The following NAALADL2 variants were observed in gnomAD, a reference collection of about 807,000 sequenced individuals.
NAALADL2 encodes N-acetylated alpha-linked acidic dipeptidase like 2, also known as inactive N-acetylated-alpha-linked acidic dipeptidase-like protein 2.
A neutral mutation model predicts 87.2 loss-of-function variants in NAALADL2; 76 were observed. The ratio of observed to expected loss-of-function variants is 0.87; its 90% CI spans 0.72 to 1.05. The LOEUF (loss-of-function observed/expected upper bound fraction) is 1.05, where lower values mean the gene tolerates loss of function less well. NAALADL2 is among the 50% of genes least tolerant of loss of function. NAALADL2 has a pLI of 0.00. For missense variants in NAALADL2, 1,089 were observed against 945.8 expected (o/e 1.15, Z -1.99); for synonymous variants, 354 against 331.0 (o/e 1.07, Z -0.75).
intron 4 of NAALADL2, among the ~76,000 whole-genome samples, chr3:175,296,654 C>A (rs554114608): frequency 6.6e-6 from 1 of 152,218 alleles, no homozygotes; most frequent in South Asian, 2.1e-4. Context: ...CTATAGACAG[C>A]CTTCTAACGG....
chr3:175,745,618 G>A (rs6793397), intron 12 of NAALADL2, among the ~76,000 whole-genome samples: 37,436 of 152,054 alleles, frequency 0.25, 5,014 homozygotes, highest in African/African-American at 0.34. Flanking sequence ...TCTGCATGTA[G>A]TAGTACAGAA....
chr3:174,694,437 A>G (rs538088746), intron 2 of NAALADL2, among the ~76,000 whole-genome samples: 2 of 152,126 alleles, frequency 1.3e-5, no homozygotes, highest in South Asian at 4.2e-4. Flanking sequence ...TTTCTAGTAA[A>G]CTCTTTGAGA....
chr3:175,688,647 G>T (rs1736637030), intron 11 of NAALADL2, among the ~76,000 whole-genome samples: 1 of 152,130 alleles, frequency 6.6e-6, no homozygotes, highest in Non-Finnish European at 1.5e-5. Flanking sequence ...CCAAACAAAA[G>T]GCTCAGGCAG....
chr3:175,178,939 A>G (rs1333175307), intron 2 of NAALADL2, among the ~76,000 whole-genome samples: 2 of 152,022 alleles, frequency 1.3e-5, no homozygotes, highest in Non-Finnish European at 1.5e-5. Context: ...CTGATTTTAA[A>G]TGTCACTTGA....
At chr3:175,305,266 G>GTGTGTA (rs1446603131) in intron 4 of NAALADL2, among the ~76,000 whole-genome samples, 1 of 142,230 alleles carries the variant, frequency 7.0e-6, no homozygotes, top group Non-Finnish European at 1.6e-5. Flanking sequence ...GTGTGTGTGT[G>GTGTGTA]TGTGTATGTG....
intron 3 of NAALADL2, among the ~76,000 whole-genome samples, chr3:175,254,539 C>T (rs1407382966): frequency 6.6e-6 from 1 of 152,078 alleles, no homozygotes; most frequent in Non-Finnish European, 1.5e-5. Context: ...CTATATCCTC[C>T]AAAACAAGTA....
intron 11 of NAALADL2, 83 bp from the exon 12 acceptor site, chr3:175,737,223 A>C (rs1744617034): frequency 8.5e-6 from 7 of 821,744 alleles, no homozygotes. Context: ...GATGTATAAA[A>C]ATATCTGAAA....
At chr3:175,605,808 A>G (rs936082589) in intron 10 of NAALADL2, among the ~76,000 whole-genome samples, 3 of 152,098 alleles carry the variant, frequency 2.0e-5, no homozygotes, top group African/African-American at 7.2e-5. Flanking sequence ...ATTGCTCCCT[A>G]TATTAATATC....
chr3:175,683,784 T>C (rs1358147827), intron 11 of NAALADL2, among the ~76,000 whole-genome samples: 2 of 152,040 alleles, frequency 1.3e-5, no homozygotes, highest in African/African-American at 4.8e-5. Context: ...ATATATAAGG[T>C]GGTAGTCTTT....
chr3:175,297,841 T>C (rs937102416), intron 4 of NAALADL2, among the ~76,000 whole-genome samples: 6 of 152,198 alleles, frequency 3.9e-5, no homozygotes, highest in Admixed American at 3.9e-4. Context: ...GGGCATGCTT[T>C]TCATTTTACA....
chr3:174,825,004 T>G (rs77616194), intron 3 of NAALADL2, among the ~76,000 whole-genome samples: 3,606 of 152,324 alleles, frequency 0.024, 137 homozygotes, highest in African/African-American at 0.083. Context: ...AGCTTTGATT[T>G]AGACACACTT....
intron 2 of NAALADL2, among the ~76,000 whole-genome samples, chr3:174,594,135 C>T (rs1717651942): frequency 1.3e-5 from 2 of 151,984 alleles, no homozygotes; most frequent in Non-Finnish European, 2.9e-5. Flanking sequence ...GGAAAAACTC[C>T]TTATACAAGT....
At chr3:174,690,032 CA>C (rs2108850371) in intron 2 of NAALADL2, among the ~76,000 whole-genome samples, 1 of 151,598 alleles carries the variant, frequency 6.6e-6, no homozygotes, top group Admixed American at 6.6e-5. Flanking sequence ...ATAACTAAGT[CA>C]AAATGTGGTT....
At chr3:175,474,741 A>G (rs1725420184) in intron 9 of NAALADL2, among the ~76,000 whole-genome samples, 1 of 151,510 alleles carries the variant, frequency 6.6e-6, no homozygotes, top group South Asian at 2.1e-4. Context: ...GCTTTTCCCT[A>G]CCTCTTCAGT....
chr3:174,753,589 G>A (rs1165075440), intron 3 of NAALADL2, among the ~76,000 whole-genome samples: 1 of 152,164 alleles, frequency 6.6e-6, no homozygotes, highest in African/African-American at 2.4e-5. Context: ...AGACCAGACA[G>A]CTATGCAACT....
chr3:175,270,312 G>A (rs1440500569), intron 4 of NAALADL2, among the ~76,000 whole-genome samples: 1 of 152,100 alleles, frequency 6.6e-6, no homozygotes, highest in Non-Finnish European at 1.5e-5. Flanking sequence ...TTGACTTAAG[G>A]GGTGAAAAAT....
intron 2 of NAALADL2, among the ~76,000 whole-genome samples, chr3:175,152,843 G>T (rs996338209): frequency 6.6e-6 from 1 of 151,866 alleles, no homozygotes; most frequent in Admixed American, 6.6e-5. Flanking sequence ...GGAGGCAGAG[G>T]ATGCAGTGAG....
At chr3:175,449,129 A>T (rs1192779968) in intron 6 of NAALADL2, among the ~76,000 whole-genome samples, 1 of 152,058 alleles carries the variant, frequency 6.6e-6, no homozygotes, top group Non-Finnish European at 1.5e-5. Context: ...CCCAGGCTGG[A>T]GTGCAGTGGC....
intron 1 of NAALADL2, among the ~76,000 whole-genome samples, chr3:174,902,548 G>A (rs1207415899): frequency 6.6e-6 from 1 of 151,922 alleles, no homozygotes; most frequent in East Asian, 1.9e-4. Flanking sequence ...GAAAGAATAT[G>A]AGAACCAAAA....
Sources: allele counts gnomAD v4.1 joint callset (sites outside exome capture counted in the v4.1 genomes callset), GRCh38; gene constraint gnomAD v4.1.1; transcripts MANE v1.5; gene names NCBI Gene and HGNC (gene_info 2026-07-23, HGNC 2026-07-21).